The following STAT4 variants were observed in gnomAD, a reference collection of about 807,000 sequenced individuals.
STAT4 encodes the protein signal transducer and activator of transcription 4.
In STAT4, 42 loss-of-function variants were observed where a neutral mutation model predicts 110.5. The ratio of observed to expected loss-of-function variants is 0.38; its 90% CI spans 0.30 to 0.49. STAT4 has a LOEUF of 0.49. Among genes scored for constraint, STAT4 ranks in the 20% least tolerant of loss-of-function variants. STAT4 has a pLI of 0.95. For synonymous variants in STAT4, 284 were observed against 302.2 expected (o/e 0.94, Z 0.63); for missense variants, 632 against 887.9 (o/e 0.71, Z 3.66).
Position 191,036,186 on chromosome 2 carries a change from A to G in STAT4, c.1548T>C (p.His516=). 1 of 1,614,146 alleles carries G rather than the reference A, an allele frequency of 6.2e-7. No individual in the cohort carries two copies. Among genetic ancestry groups the G allele is most frequent in the South Asian group, 1.1e-5 (1 of 91,084 alleles). The change falls in exon 17 of 24, where the codon CAT becomes CAC. Residue 516 remains histidine, a synonymous_variant. Transcript: ENST00000392320. Reference sequence around the variant, plus strand: ...CACCTGTAAGCTTCTCTGCCAGCATATGGAGTTGATCTGAGTTAAGACCAC... The same window carrying G: ...CACCTGTAAGCTTCTCTGCCAGCATGTGGAGTTGATCTGAGTTAAGACCAC... The part of the protein sequence containing the change: ...VGRGLNSDQL[H]MLAEKLTVQS...
In STAT4 at chr2:191,041,139, T is replaced by C; in HGVS notation, c.1261A>G (p.Met421Val). 1 of 1,475,380 alleles carries C rather than the reference T, an allele frequency of 6.8e-7. No homozygotes were observed. The highest frequency in any genetic ancestry group is 9.0e-7 in the Non-Finnish European group (1 of 1,105,998). 91.4% of individuals were successfully genotyped at this position (1,475,380 alleles called of 1,614,324 possible). Residue 421 changes from methionine to valine, a missense_variant, in exon 15 of 24, where the codon ATG (methionine) becomes GTG (valine). This residue lies in a region of STAT4 where 488 missense variants were observed against 632.8 expected (regional missense o/e 0.77). Coordinates refer to ENST00000392320, the MANE Select transcript of STAT4 (RefSeq NM_003151.4). Reference sequence around the variant, plus strand: ...ATGGAATGAAGTTCTTCAGTCACCATGTGACAGCCCTAAGGAAGAGAGAAA... The same window carrying C: ...ATGGAATGAAGTTCTTCAGTCACCACGTGACAGCCCTAAGGAAGAGAGAAA... ...AGGKGNEGCH[M>V]VTEELHSITF...
chr2:191,128,900 G>A (rs6705162), intron 3 of STAT4, among the ~76,000 whole-genome samples: 46,059 of 151,968 alleles, frequency 0.3, 7,485 homozygotes, highest in Middle Eastern at 0.44. Flanking sequence ...CTAACACTAC[G>A]TTTTGAGGAA....
intron 13 of STAT4, among the ~76,000 whole-genome samples, chr2:191,056,676 T>C (rs541689066): frequency 2.6e-5 from 4 of 152,294 alleles, no homozygotes; most frequent in South Asian, 2.1e-4. Flanking sequence ...ATTTGGGTAA[T>C]TGAGATATCT....
intron 3 of STAT4, chr2:191,131,990 T>G: frequency 1.6e-6 from 2 of 1,239,766 alleles, no homozygotes; most frequent in Non-Finnish European, 2.0e-6. Flanking sequence ...GAAGACAGCA[T>G]GAAACACGCC....
intron 14 of STAT4, among the ~76,000 whole-genome samples, chr2:191,045,048 TG>T (rs1696311043): frequency 6.6e-6 from 1 of 152,164 alleles, no homozygotes; most frequent in Non-Finnish European, 1.5e-5. Context: ...ATTGTGAAGA[TG>T]GGGCAGAATT....
intron 14 of STAT4, among the ~76,000 whole-genome samples, chr2:191,054,126 CAAA>C (rs1351116378): frequency 5.8e-5 from 3 of 51,802 alleles, no homozygotes; most frequent in Admixed American, 2.1e-4. Context: ...AGACCCTTCT[CAAA>C]AAAAAAAAAA....
chr2:191,079,241 A>ACACACACACACACACG (rs1439581337), intron 3 of STAT4, among the ~76,000 whole-genome samples: 6 of 152,158 alleles, frequency 3.9e-5, no homozygotes, highest in Non-Finnish European at 5.9e-5. Flanking sequence ...CAAGTCACGC[A>ACACACACACACACACG]CACACACATA....
chr2:191,055,217 G>T (rs1485714821), intron 13 of STAT4, among the ~76,000 whole-genome samples: 2 of 150,100 alleles, frequency 1.3e-5, no homozygotes, highest in Non-Finnish European at 3.0e-5. Flanking sequence ...CTTTTTTTTT[G>T]AGATGGAGTC....
rs73052588 is a variant in STAT4 at position 191,142,319 on chromosome 2, G to A, written c.273+4294C>T. Among the ~76,000 whole-genome samples the A allele has an allele frequency of 0.037, 5,583 of 152,062 alleles. 339 individuals carry two copies. The highest frequency in any genetic ancestry group is 0.13 in the African/African-American group (5,303 of 41,458). Reference sequence around the variant, plus strand: ...CATGTCATTTGCAGCAACACGGATCGTACAAGATGTCATTATGTTAAATAA... The same window carrying A: ...CATGTCATTTGCAGCAACACGGATCATACAAGATGTCATTATGTTAAATAA... On this transcript the variant is annotated intron_variant, in intron 3 of 23. Coordinates refer to ENST00000392320, the MANE Select transcript of STAT4 (RefSeq NM_003151.4). This position sits in a 1 kb window ranked among gnomAD's most constrained non-coding sequence, Gnocchi z 4.1.
chr2:191,052,309 A>AG lies in STAT4; in HGVS notation c.1251+2180_1251+2181insC, dbSNP rs558568978. On this transcript the variant is annotated intron_variant, in intron 14 of 23. Coordinates refer to ENST00000392320, the MANE Select transcript of STAT4 (RefSeq NM_003151.4). The stretch of plus-strand genomic sequence containing the variant: ...ACGGTTCAATCTGTGGTTTGTTTTT[A>AG]AATGTACCTAGGAGTCATACTAAAA... 6.8e-3 allele frequency among the ~76,000 whole-genome samples: 1,040 copies of AG among 152,282 alleles called. 4 individuals are homozygous for AG. Among genetic ancestry groups the AG allele is most frequent in the South Asian group, 0.01 (49 of 4,824 alleles).
chr2:191,089,189 T>C (rs1406511352), intron 3 of STAT4, among the ~76,000 whole-genome samples: 2 of 152,038 alleles, frequency 1.3e-5, no homozygotes, highest in African/African-American at 4.8e-5. Flanking sequence ...TAATGAATTA[T>C]TATCTAAAAT....
In STAT4 at chr2:191,051,717, G is replaced by A. The variant is rs1696528481; in HGVS notation, c.1251+2773C>T. On this transcript the variant is annotated intron_variant, in intron 14 of 23. Coordinates refer to ENST00000392320, the MANE Select transcript of STAT4 (RefSeq NM_003151.4). This position sits in a 1 kb window ranked among gnomAD's most constrained non-coding sequence, Gnocchi z 5.6. Reference sequence around the variant, plus strand: ...GACGGGGCAGTAGGAGTGCCAACCAGCTCGCCTCTCCCAGGGAAGGTTCTG... The same window carrying A: ...GACGGGGCAGTAGGAGTGCCAACCAACTCGCCTCTCCCAGGGAAGGTTCTG... Among the ~76,000 whole-genome samples, 1 of 152,198 alleles carries A rather than the reference G, an allele frequency of 6.6e-6. No individual in the cohort carries two copies. Among genetic ancestry groups the A allele is most frequent in the African/African-American group, 2.4e-5 (1 of 41,452 alleles).
chr2:191,131,823 G>A (rs1055785571), intron 3 of STAT4: 32 of 1,418,038 alleles, frequency 2.3e-5, no homozygotes, highest in African/African-American at 4.5e-5. Context: ...CTAAGTCCTA[G>A]GGACAAGATT....
At chr2:191,098,255 A>G (rs1443885322) in intron 3 of STAT4, among the ~76,000 whole-genome samples, 2 of 152,256 alleles carry the variant, frequency 1.3e-5, no homozygotes, top group South Asian at 2.1e-4. Flanking sequence ...CAGCGATCCC[A>G]TTACTGGGTA....
chr2:191,075,173 A>C (rs932220466), intron 4 of STAT4, among the ~76,000 whole-genome samples: 1 of 152,072 alleles, frequency 6.6e-6, no homozygotes, highest in African/African-American at 2.4e-5. Context: ...AACAAAACAA[A>C]AAAAAAACTT....
chr2:191,078,273 G>A (rs939703192), intron 3 of STAT4, among the ~76,000 whole-genome samples: 4 of 151,974 alleles, frequency 2.6e-5, no homozygotes, highest in Non-Finnish European at 2.9e-5. Context: ...TTTCTATGCC[G>A]ATCATTCAGA....
intron 3 of STAT4, among the ~76,000 whole-genome samples, chr2:191,120,741 G>A (rs1009095176): frequency 6.6e-6 from 1 of 152,106 alleles, no homozygotes; most frequent in African/African-American, 2.4e-5. Context: ...GCGGAAACTG[G>A]ATCCCTTCCT....
intron 13 of STAT4, 150 bp downstream of exon 13, chr2:191,057,868 G>A: frequency 2.9e-6 from 2 of 690,750 alleles, no homozygotes; most frequent in Non-Finnish European, 4.8e-6. Context: ...AAAATGCTGG[G>A]ATTACAGACA....
At chr2:191,078,747 T>A (rs765808317) in intron 3 of STAT4, among the ~76,000 whole-genome samples, 3 of 152,142 alleles carry the variant, frequency 2.0e-5, no homozygotes, top group Non-Finnish European at 4.4e-5. Context: ...TCATGCAAAT[T>A]TATTGCAAAT....
Sources: gnomAD v4.1 joint callset for allele counts (sites outside exome capture counted in the v4.1 genomes callset) on GRCh38, gnomAD v4.1.1 for gene constraint, gnomAD v4.1.1 regional missense constraint, Gnocchi (gnomAD v3.1) non-coding constraint, MANE v1.5 for transcripts, NCBI Gene and HGNC (gene_info 2026-07-23, HGNC 2026-07-21) for gene names.